TNPO3: variants seen among roughly 807,000 people sequenced by gnomAD.
TNPO3 encodes the protein transportin-3.
A neutral mutation model predicts 122.8 loss-of-function variants in TNPO3; 65 were observed. The ratio of observed to expected loss-of-function variants is 0.53; its 90% CI spans 0.43 to 0.65. The LOEUF (loss-of-function observed/expected upper bound fraction) is 0.65, where lower values mean the gene tolerates loss of function less well. Ranked by LOEUF, TNPO3 falls within the 30% of genes least tolerant of loss-of-function variation. The probability of loss-of-function intolerance (pLI) is 0.00; values close to 1 mark genes in which losing one functional copy is unlikely to be tolerated. For missense variants in TNPO3, 850 were observed against 1,136.7 expected (o/e 0.75, Z 3.63); for synonymous variants, 372 against 411.2 (o/e 0.90, Z 1.15).
At chr7:129,052,168 A>G (rs1400545414) in intron 1 of TNPO3, among the ~76,000 whole-genome samples, 1 of 152,202 alleles carries the variant, frequency 6.6e-6, no homozygotes, top group Non-Finnish European at 1.5e-5. Flanking sequence ...GCTGACCTGT[A>G]TAGACTTTAC....
intron 7 of TNPO3, among the ~76,000 whole-genome samples, chr7:128,997,957 C>T (rs1801508702): frequency 6.6e-6 from 1 of 151,882 alleles, no homozygotes. Context: ...CCTGCCTCAG[C>T]CTCCCAAGTA....
At chr7:129,000,027 T>A (rs1035262385) in intron 7 of TNPO3, among the ~76,000 whole-genome samples, 1 of 152,218 alleles carries the variant, frequency 6.6e-6, no homozygotes, top group African/African-American at 2.4e-5. Flanking sequence ...CAGAGACCCT[T>A]AAGTCCTTTC....
intron 1 of TNPO3, among the ~76,000 whole-genome samples, chr7:129,025,871 A>G (rs1284069664): frequency 6.6e-6 from 1 of 152,126 alleles, no homozygotes; most frequent in Non-Finnish European, 1.5e-5. Context: ...CACACCTATA[A>G]TCCCAGCACT....
chr7:128,989,942 GGAGA>G lies in TNPO3; in HGVS notation c.1498+15_1498+18del. The G allele has an allele frequency of 6.2e-7, 1 of 1,605,122 alleles. No homozygotes were observed. ...AAAATGACAAGTTAGAAGTGGCAGA[GGAGA>G]GAGATTACACATACCAAGGAACTGA... On this transcript the variant is annotated intron_variant, in intron 11 of 22. Transcript: ENST00000265388.
Position 129,017,990 on chromosome 7 carries a change from G to A in TNPO3, c.288C>T (p.Asn96=), listed in dbSNP as rs535156346. Residue 96 remains asparagine (N), a synonymous_variant, in exon 2 of 23, where the codon AAC becomes AAT. Coordinates refer to ENST00000265388, the MANE Select transcript of TNPO3 (RefSeq NM_012470.4). The stretch of plus-strand genomic sequence containing the variant: ...CAATAACAGGTGACAAGTCTTTCAA[G>A]TTCTGGATATGGGTTAGCAATGAGT... The part of the protein sequence containing the change: ...LRDSLLTHIQ[N]LKDLSPVIVT... The A allele has an allele frequency of 3.1e-6, 5 of 1,614,164 alleles. No homozygotes were observed. The South Asian group carries it at 3.3e-5, about 11-fold the overall frequency.
intron 1 of TNPO3, among the ~76,000 whole-genome samples, chr7:129,049,276 T>C (rs1337198771): frequency 6.6e-6 from 1 of 152,170 alleles, no homozygotes; most frequent in African/African-American, 2.4e-5. Flanking sequence ...AGTCTAAAGA[T>C]GCAGACAAGA....
intron 1 of TNPO3, among the ~76,000 whole-genome samples, chr7:129,025,839 A>G (rs139104325): frequency 0.01 from 1,510 of 150,068 alleles, 13 homozygotes; most frequent in Non-Finnish European, 0.016. Flanking sequence ...AAAAATCCCA[A>G]TGTAGGCTGG....
intron 21 of TNPO3, among the ~76,000 whole-genome samples, chr7:128,965,184 G>A (rs1797819113): frequency 6.6e-6 from 1 of 152,166 alleles, no homozygotes; most frequent in Non-Finnish European, 1.5e-5. Context: ...TGCAAATCAT[G>A]TACCTGATAA....
intron 1 of TNPO3, among the ~76,000 whole-genome samples, chr7:129,028,450 G>A (rs1805524320): frequency 6.6e-6 from 1 of 152,042 alleles, no homozygotes; most frequent in African/African-American, 2.4e-5. Flanking sequence ...ATGCCTTAAG[G>A]AGCCATAAAA....
At position 128,958,137 on chromosome 7, in the gene TNPO3, C is replaced by CTTTTTTTTT. The variant is rs55683535; in HGVS notation, c.2712-831_2712-823dup. Among the ~76,000 whole-genome samples the CTTTTTTTTT allele has an allele frequency of 1.1e-3, 106 of 96,210 alleles. 3 individuals are homozygous for CTTTTTTTTT. Among genetic ancestry groups the CTTTTTTTTT allele is most frequent in the East Asian group, 1.8e-3 (6 of 3,282 alleles). The allele number at this position is 96,210 out of a possible 152,430, so 63.1% of individuals were successfully genotyped here. A position where few individuals can be genotyped will look rare whatever the true frequency, so the allele number is the denominator to read the frequency against. On this transcript the variant is annotated intron_variant, in intron 21 of 22. Coordinates refer to ENST00000265388, the MANE Select transcript of TNPO3 (RefSeq NM_012470.4). ...AAAGCAGTGGAGAAGGAAGCACTTC[C>CTTTTTTTTT]TTTTTTTTTTTTTTTTTTTTTTTGA...
chr7:129,053,388 G>A (rs13221966), intron 1 of TNPO3, among the ~76,000 whole-genome samples: 52 of 150,006 alleles, frequency 3.5e-4, no homozygotes, highest in Non-Finnish European at 6.7e-4. Flanking sequence ...CCAGCTACTC[G>A]GGAGGCTGAG....
chr7:128,967,240 C>T (rs1798008204), intron 21 of TNPO3, 40 bp downstream of exon 21: 2 of 1,230,088 alleles, frequency 1.6e-6, no homozygotes, highest in African/African-American at 3.0e-5. Flanking sequence ...TGTTTCTTCC[C>T]ACATCCCACA....
At chr7:129,010,695 T>C (rs957532850) in intron 4 of TNPO3, among the ~76,000 whole-genome samples, 1 of 152,204 alleles carries the variant, frequency 6.6e-6, no homozygotes, top group Non-Finnish European at 1.5e-5. Flanking sequence ...GAACGCTGTA[T>C]ATATACTAAG....
chr7:128,989,810 C>A (rs1381009720), intron 11 of TNPO3, 151 bp downstream of exon 11: 2 of 786,520 alleles, frequency 2.5e-6, no homozygotes, highest in Non-Finnish European at 4.0e-6. Flanking sequence ...ATCAAATAAG[C>A]ACTAACTTAC....
At chr7:129,043,951 C>G (rs924368709) in intron 1 of TNPO3, among the ~76,000 whole-genome samples, 3 of 152,200 alleles carry the variant, frequency 2.0e-5, no homozygotes, top group Admixed American at 6.5e-5. Context: ...TTTCTGCCTA[C>G]CTGCTCAGTT....
chr7:128,989,049 C>A (rs940534820), intron 11 of TNPO3, among the ~76,000 whole-genome samples: 1 of 152,004 alleles, frequency 6.6e-6, no homozygotes, highest in Non-Finnish European at 1.5e-5. Context: ...TGCATTTCAG[C>A]CTGGGCAACA....
At chr7:128,982,937 C>G (rs571667105) in intron 13 of TNPO3, among the ~76,000 whole-genome samples, 1 of 152,146 alleles carries the variant, frequency 6.6e-6, no homozygotes, top group Non-Finnish European at 1.5e-5. Flanking sequence ...TAGGTTCAGG[C>G]GTTGATTGCT....
At chr7:129,050,798 C>G (rs1808668085) in intron 1 of TNPO3, among the ~76,000 whole-genome samples, 1 of 152,146 alleles carries the variant, frequency 6.6e-6, no homozygotes, top group African/African-American at 2.4e-5. Flanking sequence ...CCAAGAAAAA[C>G]AGACCAACAG....
chr7:128,975,112 A>C, intron 17 of TNPO3, 150 bp from the exon 18 acceptor site: 1 of 647,044 alleles, frequency 1.5e-6, no homozygotes, highest in Non-Finnish European at 2.6e-6. Flanking sequence ...GAATCTGATC[A>C]GGAAAAGAAA....
Sources: gnomAD v4.1 joint callset for allele counts (sites outside exome capture counted in the v4.1 genomes callset) on GRCh38, gnomAD v4.1.1 for gene constraint, MANE v1.5 for transcripts, NCBI Gene and HGNC (gene_info 2026-07-23, HGNC 2026-07-21) for gene names.